Variants in NCOR1 observed in about 807,000 individuals in gnomAD.
NCOR1 encodes protein phosphatase 1, regulatory subunit 109.
In NCOR1, 63 loss-of-function variants were observed where a neutral mutation model predicts 288.1. The ratio of observed to expected loss-of-function variants is 0.22; its 90% confidence interval spans 0.18 to 0.27. NCOR1 has a LOEUF of 0.27. NCOR1 is among the 10% of genes least tolerant of loss of function. The probability of loss-of-function intolerance (pLI) is 1.00; values close to 1 mark genes in which losing one functional copy is unlikely to be tolerated. For missense variants in NCOR1, 2,397 were observed against 3,019.2 expected (o/e 0.79, Z 4.83); for synonymous variants, 1,007 against 1,065.9 (o/e 0.94, Z 1.08).
chr17:16,140,163 A>G (rs2076951919), intron 11 of NCOR1, among the ~76,000 whole-genome samples: 1 of 152,250 alleles, frequency 6.6e-6, no homozygotes, highest in Non-Finnish European at 1.5e-5. Context: ...GCTGAATGTC[A>G]TTTCAATCAT....
intron 18 of NCOR1, among the ~76,000 whole-genome samples, chr17:16,116,714 A>G (rs35622628): frequency 0.46 from 68,596 of 150,046 alleles, 16,467 homozygotes; most frequent in Middle Eastern, 0.57. Flanking sequence ...ATTTTGGTAT[A>G]GAGCAGAACT....
intron 44 of NCOR1, 70 bp from the exon 45 acceptor site, chr17:16,035,014 A>G: frequency 1.4e-6 from 2 of 1,428,492 alleles, no homozygotes; most frequent in Admixed American, 2.0e-5. Context: ...GCTAATGATT[A>G]TATATTGCTA....
chr17:16,083,955 G>T (rs2063808884), intron 23 of NCOR1: 1 of 152,080 alleles, frequency 6.6e-6, no homozygotes, highest in Admixed American at 6.6e-5. Context: ...GAGAAGAGAA[G>T]AGATCCCAGC....
chr17:16,185,386 TA>T (rs1010700433), intron 3 of NCOR1, among the ~76,000 whole-genome samples: 23 of 148,616 alleles, frequency 1.5e-4, no homozygotes, highest in Non-Finnish European at 2.1e-4. Flanking sequence ...ACACACAATT[TA>T]AAAAAAAAAA....
chr17:16,104,406 C>T (rs2068200913), intron 19 of NCOR1, among the ~76,000 whole-genome samples: 1 of 152,198 alleles, frequency 6.6e-6, no homozygotes, highest in African/African-American at 2.4e-5. Flanking sequence ...ACCACGGACA[C>T]AGCAATTTAA....
chr17:16,152,094 CT>C, intron 7 of NCOR1, 96 bp from the exon 8 acceptor site: 1 of 755,018 alleles, frequency 1.3e-6, no homozygotes, highest in South Asian at 2.0e-5. Flanking sequence ...AGGTAAAGTA[CT>C]AATGGATCTA....
intron 5 of NCOR1, among the ~76,000 whole-genome samples, chr17:16,160,548 T>C (rs894265472): frequency 6.6e-6 from 1 of 152,282 alleles, no homozygotes; most frequent in Non-Finnish European, 1.5e-5. Context: ...TCCCAGCACT[T>C]TGGGAGGCCA....
chr17:16,040,522 T>C (rs749026622), intron 42 of NCOR1, 28 bp from the exon 43 acceptor site: 7 of 1,601,488 alleles, frequency 4.4e-6, no homozygotes, highest in Admixed American at 1.7e-5. Context: ...TTCAAGTTAA[T>C]TAAGATGTGA....
chr17:16,034,691 T>G (rs1973765918), intron 45 of NCOR1, 74 bp downstream of exon 45: 1 of 1,339,072 alleles, frequency 7.5e-7, no homozygotes, highest in African/African-American at 1.5e-5. Context: ...AGTTGCTGAA[T>G]TTTGAAGAAC....
chr17:16,087,645 T>C (rs1205719737), intron 22 of NCOR1, among the ~76,000 whole-genome samples: 1 of 152,246 alleles, frequency 6.6e-6, no homozygotes, highest in Non-Finnish European at 1.5e-5. Flanking sequence ...CATCAGATTA[T>C]CAAGCAATTC....
intron 11 of NCOR1, among the ~76,000 whole-genome samples, chr17:16,140,095 A>C (rs2076946483): frequency 6.6e-6 from 1 of 152,194 alleles, no homozygotes; most frequent in Non-Finnish European, 1.5e-5. Context: ...AGAGCAAATA[A>C]AGAAATTTAA....
At chr17:16,169,593 C>A (rs537216340) in intron 4 of NCOR1, among the ~76,000 whole-genome samples, 8 of 152,064 alleles carry the variant, frequency 5.3e-5, no homozygotes, top group African/African-American at 1.9e-4. Context: ...GGAAAAAAAG[C>A]AGGACTAGAG....
chr17:16,118,040 A>C lies in NCOR1; in HGVS notation c.1916-13T>G. 4 of 1,608,378 alleles carry C rather than the reference A, an allele frequency of 2.5e-6. No homozygotes were observed. Among genetic ancestry groups the C allele is most frequent in the Non-Finnish European group, 3.4e-6 (4 of 1,178,072 alleles). ...TGTTCTACTAGACCTGCATTTTAAA[A>C]ACAGACCAAATGTTAATTGAACAGT... On this transcript the variant is annotated splice_polypyrimidine_tract_variant and intron_variant, in intron 17 of 45. Transcript: ENST00000268712.
Position 16,119,560 on chromosome 17 carries a change from A to C in NCOR1, c.1853-75T>G, listed in dbSNP as rs545143513. On this transcript the variant is annotated intron_variant, in intron 16 of 45. Coordinates refer to ENST00000268712, the MANE Select transcript of NCOR1 (RefSeq NM_006311.4). ...CTTTATTCAAACCAATCATATAATT[A>C]TATCTCTTTATCTGACATAAAAGAC... is the stretch of plus-strand genomic sequence containing the variant. 6.1e-6 allele frequency: 6 copies of C among 985,744 alleles called. No individual in the cohort carries two copies. The African/African-American group carries it at 6.6e-5, about 11-fold the overall frequency. 61.1% of individuals were successfully genotyped at this position (985,744 alleles called of 1,614,324 possible).
intron 42 of NCOR1, among the ~76,000 whole-genome samples, chr17:16,042,698 GAGGCAGAGAGACC>G (rs1283735908): frequency 6.6e-6 from 1 of 152,234 alleles, no homozygotes; most frequent in Admixed American, 6.5e-5. Context: ...CTCCCATCAG[GAGGCAGAGAGACC>G]AGGATAGTAA....
intron 1 of NCOR1, among the ~76,000 whole-genome samples, chr17:16,201,750 G>C (rs1023179560): frequency 6.6e-6 from 1 of 152,060 alleles, no homozygotes; most frequent in Non-Finnish European, 1.5e-5. Context: ...CTAATTCTCT[G>C]AACTGAACAA....
At position 16,075,560 on chromosome 17, in the gene NCOR1, T is replaced by C. The variant is rs1211435262; in HGVS notation, c.3644A>G (p.Lys1215Arg). The change falls in exon 27 of 46, where the codon AAA becomes AGA. Residue 1215 changes from lysine to arginine, a missense_variant. By Grantham distance (26) the Lys-to-Arg change is conservative. Around this residue, in one of 11 missense-constraint regions of NCOR1, gnomAD observed 1,872 missense variants for 2,187.8 expected, o/e 0.86. Transcript: ENST00000268712. ...ATCATATGACAAGATATGTCCACTT[T>C]TGCCTTCATAAATAACATGGCCTTT... ...ASKGHVIYEG[K>R]SGHILSYDNI... is the part of the protein sequence containing the mutation. The C allele has an allele frequency of 6.2e-7, 1 of 1,614,236 alleles. No homozygotes were observed. The highest frequency in any genetic ancestry group is 8.5e-7 in the Non-Finnish European group (1 of 1,180,042).
intron 18 of NCOR1, among the ~76,000 whole-genome samples, chr17:16,114,169 A>AAAAAAAAC (rs71150272): frequency 6.6e-6 from 1 of 150,562 alleles, no homozygotes; most frequent in African/African-American, 2.4e-5. Flanking sequence ...AAAAAAAAAA[A>AAAAAAAAC]CTTGTGCAGG....
intron 42 of NCOR1, chr17:16,044,419 G>GC (rs1567676102): frequency 2.1e-5 from 10 of 471,448 alleles, no homozygotes; most frequent in South Asian, 1.5e-4. Flanking sequence ...ACAGTGCAAG[G>GC]CCCCCACTTT....
Sources: allele counts gnomAD v4.1 joint callset (sites outside exome capture counted in the v4.1 genomes callset), GRCh38; gene constraint gnomAD v4.1.1; regional missense constraint gnomAD v4.1.1; transcripts MANE v1.5; gene names NCBI Gene and HGNC (gene_info 2026-07-23, HGNC 2026-07-21).